The following ZCCHC4 variants were observed in gnomAD, a reference collection of about 807,000 sequenced individuals.
ZCCHC4 encodes rRNA N(6)-adenosine-methyltransferase ZCCHC4.
In ZCCHC4, 54 loss-of-function variants were observed where a neutral mutation model predicts 67.7. That is an observed-to-expected ratio of 0.80 (90% CI 0.64 to 1.00). The LOEUF (loss-of-function observed/expected upper bound fraction) is 1.00, where lower values mean the gene tolerates loss of function less well. Among genes scored for constraint, ZCCHC4 ranks in the 50% least tolerant of loss-of-function variants. ZCCHC4 has a pLI of 0.00. For synonymous variants in ZCCHC4, 198 were observed against 213.5 expected (o/e 0.93, Z 0.63); for missense variants, 609 against 617.0 (o/e 0.99, Z 0.14).
intron 3 of ZCCHC4, among the ~76,000 whole-genome samples, chr4:25,321,473 A>G (rs902596848): frequency 6.6e-6 from 1 of 152,132 alleles, no homozygotes; most frequent in Admixed American, 6.6e-5. Context: ...CTGGGGTTCA[A>G]GCGACTCTCC....
chr4:25,364,738 A>G (rs1299094341), intron 11 of ZCCHC4, among the ~76,000 whole-genome samples: 1 of 152,218 alleles, frequency 6.6e-6, no homozygotes, highest in Non-Finnish European at 1.5e-5. Flanking sequence ...ACTTATTTTA[A>G]TAAGGCATTG....
intron 3 of ZCCHC4, among the ~76,000 whole-genome samples, chr4:25,330,770 C>G (rs1317399544): frequency 6.6e-6 from 1 of 152,178 alleles, no homozygotes; most frequent in Non-Finnish European, 1.5e-5. Context: ...TGAGGCATTT[C>G]CACTCTGGCT....
At position 25,333,396 on chromosome 4, in the gene ZCCHC4, G is replaced by A. The variant is rs1719285861; in HGVS notation, c.543G>A (p.Gln181=). 6.2e-7 allele frequency: 1 copy of A among 1,614,178 alleles called. No homozygotes were observed. Among genetic ancestry groups the A allele is most frequent in the Non-Finnish European group, 8.5e-7 (1 of 1,180,010 alleles). ...AQYLFADRSC[Q]FLVDLLSALG... Reference sequence around the variant, plus strand: ...ATCTGTTTGCTGATCGGAGCTGTCAGTTCTTGGTAGACTTACTTTCTGCCC... The same window carrying A: ...ATCTGTTTGCTGATCGGAGCTGTCAATTCTTGGTAGACTTACTTTCTGCCC... Residue 181 remains glutamine (Q), a synonymous_variant, in exon 4 of 13, where the codon CAG becomes CAA. Transcript: ENST00000302874.
At chr4:25,323,017 A>C (rs1466168191) in intron 3 of ZCCHC4, among the ~76,000 whole-genome samples, 3 of 152,212 alleles carry the variant, frequency 2.0e-5, no homozygotes, top group African/African-American at 7.2e-5. Context: ...TCTTTGCATC[A>C]CATCAAAAGG....
chr4:25,361,494 A>G (rs529092624), intron 8 of ZCCHC4, among the ~76,000 whole-genome samples: 14 of 152,324 alleles, frequency 9.2e-5, no homozygotes, highest in African/African-American at 2.6e-4. Flanking sequence ...TTAGGTGATC[A>G]CCCACATGAG....
intron 3 of ZCCHC4, among the ~76,000 whole-genome samples, chr4:25,319,105 C>T (rs115257276): frequency 0.075 from 11,374 of 152,138 alleles, 552 homozygotes; most frequent in African/African-American, 0.13. Flanking sequence ...AAGTGCTGGC[C>T]GGGTGCGGTG....
intron 5 of ZCCHC4, among the ~76,000 whole-genome samples, chr4:25,337,273 G>C (rs1719505042): frequency 6.6e-6 from 1 of 152,204 alleles, no homozygotes. Context: ...GCAGGCTTTA[G>C]TCTAGTTGAG....
chr4:25,353,410 C>T (rs1383030257), intron 8 of ZCCHC4, among the ~76,000 whole-genome samples: 3 of 152,230 alleles, frequency 2.0e-5, no homozygotes, highest in Non-Finnish European at 2.9e-5. Context: ...TAAGTCTTCT[C>T]AAAGCTCATT....
At chr4:25,316,505 A>G (rs540408673) in intron 3 of ZCCHC4, among the ~76,000 whole-genome samples, 1 of 152,324 alleles carries the variant, frequency 6.6e-6, no homozygotes, top group African/African-American at 2.4e-5. Flanking sequence ...TCTGATTACA[A>G]CCATCCTAGT....
At chr4:25,340,806 T>A (rs1719718828) in intron 5 of ZCCHC4, among the ~76,000 whole-genome samples, 1 of 152,206 alleles carries the variant, frequency 6.6e-6, no homozygotes, top group Non-Finnish European at 1.5e-5. Context: ...GTACTCTGAT[T>A]TACTTTAAAA....
rs187940111 is a variant in ZCCHC4, at chr4:25,344,342, C to T, written c.687-1206C>T. ...GACATGGATGAAATTGGAAATCATTCTCAGTAAACTATCGCAAGGACAAAA... is the reference window on the plus strand; with the variant it reads ...GACATGGATGAAATTGGAAATCATTTTCAGTAAACTATCGCAAGGACAAAA... On this transcript the variant is annotated intron_variant, in intron 5 of 12. Coordinates refer to ENST00000302874, the MANE Select transcript of ZCCHC4 (RefSeq NM_024936.3). 6.7e-3 allele frequency among the ~76,000 whole-genome samples: 1,016 copies of T among 151,542 alleles called. 10 individuals are homozygous for T. The highest frequency in any genetic ancestry group is 0.023 in the African/African-American group (955 of 41,356).
At chr4:25,319,603 A>C (rs1188022632) in intron 3 of ZCCHC4, among the ~76,000 whole-genome samples, 1 of 152,128 alleles carries the variant, frequency 6.6e-6, no homozygotes, top group Non-Finnish European at 1.5e-5. Flanking sequence ...AACGGTTTGA[A>C]ATCAGTCATT....
chr4:25,365,687 T>C (rs1338101657), intron 12 of ZCCHC4: 2 of 984,912 alleles, frequency 2.0e-6, no homozygotes, highest in Non-Finnish European at 2.4e-6. Context: ...TATTACTTTT[T>C]TTCCTGTGAT....
chr4:25,363,223 C>G (rs1217482909), intron 10 of ZCCHC4, among the ~76,000 whole-genome samples: 1 of 152,180 alleles, frequency 6.6e-6, no homozygotes, highest in Non-Finnish European at 1.5e-5. Flanking sequence ...TTTACTGTCT[C>G]TATAGTTTTT....
chr4:25,365,734 A>T (rs1003265077), intron 12 of ZCCHC4: 1 of 985,428 alleles, frequency 1.0e-6, no homozygotes, highest in African/African-American at 1.7e-5. Context: ...GATTGGAGCT[A>T]TGGATTACAA....
chr4:25,362,400 T>A, intron 10 of ZCCHC4, 99 bp downstream of exon 10: 2 of 712,868 alleles, frequency 2.8e-6, no homozygotes, highest in Non-Finnish European at 4.3e-6. Context: ...GTTAATAGGA[T>A]TTGTATTAAT....
At chr4:25,313,399 G>T (rs1471106923) in intron 1 of ZCCHC4, among the ~76,000 whole-genome samples, 2 of 152,210 alleles carry the variant, frequency 1.3e-5, no homozygotes, top group South Asian at 4.1e-4. Context: ...AACCGCGCAA[G>T]AGATGTCAAA....
At chr4:25,360,998 T>C (rs573931326) in intron 8 of ZCCHC4, among the ~76,000 whole-genome samples, 2 of 152,152 alleles carry the variant, frequency 1.3e-5, no homozygotes, top group Non-Finnish European at 2.9e-5. Context: ...ACCTGGGTGG[T>C]CTATCAAGGG....
intron 3 of ZCCHC4, among the ~76,000 whole-genome samples, chr4:25,329,853 A>G (rs1255526756): frequency 6.6e-6 from 1 of 151,800 alleles, no homozygotes; most frequent in Admixed American, 6.6e-5. Context: ...TATATTTTCT[A>G]TGTCTTTGCT....
Sources: gnomAD v4.1 joint callset for allele counts (sites outside exome capture counted in the v4.1 genomes callset) on GRCh38, gnomAD v4.1.1 for gene constraint, MANE v1.5 for transcripts, NCBI Gene and HGNC (gene_info 2026-07-23, HGNC 2026-07-21) for gene names.